TNFAIP6: variants seen among roughly 807,000 people sequenced by gnomAD.
TNFAIP6 encodes the protein TNF alpha induced protein 6.
In TNFAIP6, 36 loss-of-function variants were observed where a neutral mutation model predicts 33.7. That is an observed-to-expected ratio of 1.07 (90% CI 0.82 to 1.41). The LOEUF is 1.41. Among genes scored for constraint, TNFAIP6 ranks in the 40% most tolerant of loss-of-function variants. The pLI, the probability that TNFAIP6 is intolerant of heterozygous loss-of-function variation, is 0.00. For synonymous variants in TNFAIP6, 113 were observed against 112.8 expected (o/e 1.00, Z -0.01); for missense variants, 273 against 331.9 (o/e 0.82, Z 1.38).
chr2:151,358,461 T>G (rs1684571699), intron 1 of TNFAIP6, among the ~76,000 whole-genome samples: 1 of 152,090 alleles, frequency 6.6e-6, no homozygotes, highest in Non-Finnish European at 1.5e-5. Flanking sequence ...AAAAGGAAAA[T>G]GCAGAAAATC....
At chr2:151,358,290 T>C (rs1306653799) in intron 1 of TNFAIP6, among the ~76,000 whole-genome samples, 1 of 152,228 alleles carries the variant, frequency 6.6e-6, no homozygotes, top group Non-Finnish European at 1.5e-5. Context: ...ATGTTTCTCC[T>C]TCTGAATGCA....
intron 4 of TNFAIP6, chr2:151,372,243 A>G (rs4664031): frequency 0.32 from 48,862 of 152,128 alleles, 9,530 homozygotes; most frequent in Admixed American, 0.49. Context: ...CCTATGAATA[A>G]ACATTGTATT....
chr2:151,365,294 G>A (rs777522509), intron 2 of TNFAIP6, among the ~76,000 whole-genome samples: 1 of 152,110 alleles, frequency 6.6e-6, no homozygotes, highest in East Asian at 1.9e-4. Flanking sequence ...AGTGAGCTGT[G>A]TTCATGCCAC....
intron 3 of TNFAIP6, among the ~76,000 whole-genome samples, 175 bp downstream of exon 3, chr2:151,366,392 C>T (rs1285179372): frequency 2.0e-5 from 3 of 152,058 alleles, no homozygotes; most frequent in Non-Finnish European, 4.4e-5. Flanking sequence ...AGTTGTGTTC[C>T]TTCGTCTACA....
intron 5 of TNFAIP6, among the ~76,000 whole-genome samples, chr2:151,377,223 G>A (rs912949572): frequency 6.6e-6 from 1 of 151,020 alleles, no homozygotes; most frequent in Non-Finnish European, 1.5e-5. Flanking sequence ...AGGCTGGAGT[G>A]CAGTGGCAGG....
intron 1 of TNFAIP6, among the ~76,000 whole-genome samples, chr2:151,361,959 T>C (rs547670020): frequency 2.5e-4 from 38 of 152,322 alleles, no homozygotes; most frequent in South Asian, 6.2e-4. Flanking sequence ...CCCTCTCTTA[T>C]TGAGCTGTGG....
chr2:151,373,520 A>G, intron 4 of TNFAIP6, 29 bp from the exon 5 acceptor site: 1 of 1,462,396 alleles, frequency 6.8e-7, no homozygotes, highest in Non-Finnish European at 9.3e-7. Context: ...CATTTGTGTG[A>G]CATCTCTTTT....
At position 151,379,718 on chromosome 2, in the gene TNFAIP6, C is replaced by G. The variant is rs1684981566; in HGVS notation, c.*185C>G. 1 of 417,596 alleles carries G rather than the reference C, an allele frequency of 2.4e-6. No homozygotes were observed. Among genetic ancestry groups the G allele is most frequent in the Non-Finnish European group, 4.1e-6 (1 of 244,728 alleles). The allele number at this position is 417,596 out of a possible 1,614,324, so 25.9% of individuals were successfully genotyped here. ...GAGAAAATGAAACCTCTCATAATCC[C>G]ACTGCATAGAAATAACAAGCGTTAA... is the stretch of plus-strand genomic sequence containing the variant. On this transcript the variant is annotated 3_prime_UTR_variant, in exon 6 of 6. Transcript: ENST00000243347.
At chr2:151,366,309 T>C (rs1157364228) in intron 3 of TNFAIP6, 92 bp downstream of exon 3, 3 of 1,198,164 alleles carry the variant, frequency 2.5e-6, no homozygotes, top group African/African-American at 1.5e-5. Context: ...TTTCCAGAAA[T>C]AATTGATTTT....
At chr2:151,366,465 G>A (rs1302889772) in intron 3 of TNFAIP6, among the ~76,000 whole-genome samples, 1 of 152,084 alleles carries the variant, frequency 6.6e-6, no homozygotes, top group South Asian at 2.1e-4. Flanking sequence ...TTAGAAATCA[G>A]GAAATTGAAA....
chr2:151,372,121 A>G (rs985539016), intron 4 of TNFAIP6: 1 of 152,206 alleles, frequency 6.6e-6, no homozygotes, highest in African/African-American at 2.4e-5. Context: ...GAGCAGCATC[A>G]ATATGATGAC....
intron 1 of TNFAIP6, among the ~76,000 whole-genome samples, chr2:151,361,371 C>T (rs1331786871): frequency 1.3e-5 from 2 of 152,066 alleles, no homozygotes; most frequent in African/African-American, 2.4e-5. Context: ...CTACCATGCC[C>T]GGCCAAATCT....
chr2:151,369,216 C>T (rs1442707424), intron 3 of TNFAIP6, among the ~76,000 whole-genome samples: 9 of 151,636 alleles, frequency 5.9e-5, no homozygotes, highest in Non-Finnish European at 1.3e-4. Context: ...AAAAAATAGG[C>T]GTGTGCACAA....
intron 5 of TNFAIP6, chr2:151,373,846 T>C: frequency 4.0e-6 from 1 of 250,864 alleles, no homozygotes; most frequent in Non-Finnish European, 7.5e-6. Flanking sequence ...GTCTTGAATC[T>C]GCAAATCCAC....
chr2:151,357,715 G>A lies in TNFAIP6; in HGVS notation c.49G>A (p.Gly17Arg). ...LFLLLWEDTQ[G>R]WGFKDGIFHN... ...TCTCTTGCTATGGGAAGACACTCAA[G>A]GATGGGGATTCAAGGATGGAATTTT... is the stretch of plus-strand genomic sequence containing the variant. Residue 17 changes from glycine (G) to arginine (R), a missense_variant, in exon 1 of 6, where the codon GGA becomes AGA. Gly to Arg is a moderately radical substitution (Grantham distance 125). Coordinates refer to ENST00000243347, the MANE Select transcript of TNFAIP6 (RefSeq NM_007115.4). The A allele has an allele frequency of 6.2e-7, 1 of 1,612,928 alleles. No individual in the cohort carries two copies. Among genetic ancestry groups the A allele is most frequent in the Non-Finnish European group, 8.5e-7 (1 of 1,179,008 alleles).
intron 1 of TNFAIP6, among the ~76,000 whole-genome samples, chr2:151,363,146 T>C (rs537387188): frequency 1.3e-5 from 2 of 151,448 alleles, no homozygotes; most frequent in South Asian, 4.2e-4. Flanking sequence ...TGAAACCTCG[T>C]CTCTACTAAA....
chr2:151,360,114 A>G lies in TNFAIP6; in HGVS notation c.94+2354A>G, dbSNP rs554141230. Among the ~76,000 whole-genome samples the G allele has an allele frequency of 2.0e-5, 3 of 152,268 alleles. No individual in the cohort carries two copies. The South Asian group carries it at 6.2e-4, about 32-fold the overall frequency. On this transcript the variant is annotated intron_variant, in intron 1 of 5. Coordinates refer to ENST00000243347, the MANE Select transcript of TNFAIP6 (RefSeq NM_007115.4). ...AATTAAAAAGACCAGCCTGGGCAAC[A>G]TAGAGAAACTCTGTCTCTACCAAAA...
chr2:151,373,158 A>T (rs1684844651), intron 4 of TNFAIP6, among the ~76,000 whole-genome samples: 1 of 151,828 alleles, frequency 6.6e-6, no homozygotes, highest in Non-Finnish European at 1.5e-5. Context: ...TCTTTACTAA[A>T]AGTACAAAAA....
rs1558900227 is a variant in TNFAIP6 at position 151,370,255 on chromosome 2, A to G, written c.623+7A>G. The G allele has an allele frequency of 6.3e-7, 1 of 1,598,652 alleles. No homozygotes were observed. The highest frequency in any genetic ancestry group is 2.2e-5 in the East Asian group (1 of 44,808). ...TCCATGGCTTTGTGGGAAGGTACGT[A>G]TGGGTCCCCATACAGGAAGTTAAAT... On this transcript the variant is annotated splice_region_variant and intron_variant, in intron 4 of 5. Transcript: ENST00000243347.
Sources: gnomAD v4.1 joint callset for allele counts (sites outside exome capture counted in the v4.1 genomes callset) on GRCh38, gnomAD v4.1.1 for gene constraint, MANE v1.5 for transcripts, NCBI Gene and HGNC (gene_info 2026-07-23, HGNC 2026-07-21) for gene names.